Variants in FAR2 observed in about 807,000 individuals in gnomAD.
FAR2 encodes epididymis secretory protein Li 81.
FAR2 carries 19 observed loss-of-function variants against 56.0 expected under a neutral mutation model. The ratio of observed to expected loss-of-function variants is 0.34; its 90% CI spans 0.24 to 0.50. The LOEUF (loss-of-function observed/expected upper bound fraction) is 0.50, where lower values mean the gene tolerates loss of function less well. Ranked by LOEUF, FAR2 falls within the 20% of genes least tolerant of loss-of-function variation. The probability of loss-of-function intolerance (pLI) is 0.98; values close to 1 mark genes in which losing one functional copy is unlikely to be tolerated. For synonymous variants in FAR2, 219 were observed against 218.8 expected (o/e 1.00, Z -0.01); for missense variants, 508 against 642.2 (o/e 0.79, Z 2.26).
rs536923876 is a variant in FAR2 at position 29,324,873 on chromosome 12, T to C, written c.1257+2949T>C. ...GCAAAATAACCAGCTAACATCATGA[T>C]GACAGGCTCAAATTCACACATAACA... On this transcript the variant is annotated intron_variant, in intron 10 of 11. Coordinates refer to ENST00000536681, the MANE Select transcript of FAR2 (RefSeq NM_001271783.2). Among the ~76,000 whole-genome samples, 252 of 152,346 alleles carry C rather than the reference T, an allele frequency of 1.7e-3. 2 individuals are homozygous for C. The highest frequency in any genetic ancestry group is 2.6e-3 in the Non-Finnish European group (179 of 68,040).
At chr12:29,204,097 T>C (rs1447488324) in intron 1 of FAR2, among the ~76,000 whole-genome samples, 1 of 151,058 alleles carries the variant, frequency 6.6e-6, no homozygotes, top group Non-Finnish European at 1.5e-5. Context: ...GATTTTGTAA[T>C]CAATAACTTG....
intron 10 of FAR2, among the ~76,000 whole-genome samples, chr12:29,326,001 C>T (rs998000985): frequency 1.3e-5 from 2 of 151,950 alleles, no homozygotes; most frequent in Admixed American, 6.6e-5. Flanking sequence ...TGATAGACTG[C>T]TAGCAAGACT....
chr12:29,320,120 T>C (rs945202961), intron 9 of FAR2, among the ~76,000 whole-genome samples: 4 of 152,120 alleles, frequency 2.6e-5, no homozygotes, highest in Non-Finnish European at 4.4e-5. Flanking sequence ...AGGCAGAAGA[T>C]TGCTTGAACC....
intron 3 of FAR2, among the ~76,000 whole-genome samples, chr12:29,296,672 T>G (rs1459020501): frequency 6.6e-6 from 1 of 152,212 alleles, no homozygotes; most frequent in Admixed American, 6.5e-5. Context: ...ACTTCTTCAG[T>G]TAGATGCTTA....
intron 1 of FAR2, among the ~76,000 whole-genome samples, chr12:29,180,545 G>A (rs1205999286): frequency 6.6e-6 from 1 of 152,102 alleles, no homozygotes; most frequent in Non-Finnish European, 1.5e-5. Flanking sequence ...AAACTAGTTA[G>A]AAAGATATGA....
chr12:29,180,141 CT>C (rs1265457195), intron 1 of FAR2, among the ~76,000 whole-genome samples: 1 of 152,134 alleles, frequency 6.6e-6, no homozygotes, highest in Non-Finnish European at 1.5e-5. Flanking sequence ...CTCACTCACT[CT>C]TACCAGCAGA....
chr12:29,311,665 T>C (rs970137884), intron 7 of FAR2, among the ~76,000 whole-genome samples: 33 of 69,762 alleles, frequency 4.7e-4, no homozygotes, highest in African/African-American at 2.3e-3. Context: ...TAACATCTCT[T>C]TCACACACAC....
chr12:29,332,841 A>T, intron 11 of FAR2, 114 bp downstream of exon 11: 1 of 999,266 alleles, frequency 1.0e-6, no homozygotes, highest in Non-Finnish European at 1.5e-6. Context: ...TTACTACATT[A>T]CAGGTCCTGC....
At chr12:29,264,672 A>AG (rs755908238) in intron 1 of FAR2, among the ~76,000 whole-genome samples, 3 of 67,624 alleles carry the variant, frequency 4.4e-5, no homozygotes, top group Admixed American at 1.2e-4. Flanking sequence ...AGAGAGAGAG[A>AG]GAGGAGGAGA....
At chr12:29,227,277 T>C (rs1207401508) in intron 1 of FAR2, among the ~76,000 whole-genome samples, 2 of 152,216 alleles carry the variant, frequency 1.3e-5, no homozygotes, top group Non-Finnish European at 2.9e-5. Flanking sequence ...AAAGAAGTTA[T>C]TAGAACATTG....
At chr12:29,325,961 G>A (rs1175909116) in intron 10 of FAR2, among the ~76,000 whole-genome samples, 2 of 152,114 alleles carry the variant, frequency 1.3e-5, no homozygotes, top group African/African-American at 4.8e-5. Flanking sequence ...GTGAATCCAG[G>A]AGCTGGTTTT....
intron 2 of FAR2, among the ~76,000 whole-genome samples, chr12:29,280,137 C>T (rs974334987): frequency 1.3e-5 from 2 of 152,128 alleles, no homozygotes; most frequent in African/African-American, 2.4e-5. Context: ...GTTGGCCAGG[C>T]TTGTCTCAAA....
intron 1 of FAR2, among the ~76,000 whole-genome samples, chr12:29,162,319 A>G (rs574272888): frequency 2.6e-5 from 4 of 152,344 alleles, no homozygotes; most frequent in African/African-American, 9.6e-5. Context: ...CTCTACATTA[A>G]TCATTAGAAT....
intron 1 of FAR2, among the ~76,000 whole-genome samples, chr12:29,230,526 G>T (rs1947841411): frequency 6.6e-6 from 1 of 152,074 alleles, no homozygotes; most frequent in South Asian, 2.1e-4. Context: ...GAGAGTTTTA[G>T]CAAAGAAGTG....
intron 1 of FAR2, among the ~76,000 whole-genome samples, chr12:29,225,100 G>C (rs893101619): frequency 1.3e-5 from 2 of 152,136 alleles, no homozygotes; most frequent in Non-Finnish European, 2.9e-5. Context: ...GCCAGGTGTG[G>C]TGGTGCACTC....
intron 1 of FAR2, among the ~76,000 whole-genome samples, chr12:29,172,553 C>A (rs1269484444): frequency 3.9e-5 from 6 of 152,100 alleles, no homozygotes; most frequent in Non-Finnish European, 8.8e-5. Context: ...TCGGCCTGTT[C>A]CCCTGGTCCC....
chr12:29,268,531 A>G (rs1402724721), intron 1 of FAR2, among the ~76,000 whole-genome samples: 1 of 152,188 alleles, frequency 6.6e-6, no homozygotes, highest in Non-Finnish European at 1.5e-5. Flanking sequence ...TTGCAGCCCA[A>G]GCTATTTCAG....
Position 29,263,337 on chromosome 12 carries a change from A to G in FAR2, c.-38-7075A>G, listed in dbSNP as rs138486778. On this transcript the variant is annotated intron_variant, in intron 1 of 11. Transcript: ENST00000536681. ...TTACAGAACACTTCATCCAACAGCT[A>G]CAGAATACACATTCTTCTCCTCAGA... Among the ~76,000 whole-genome samples the G allele has an allele frequency of 2.2e-3, 331 of 152,340 alleles. 3 individuals are homozygous for G. Among genetic ancestry groups the G allele is most frequent in the African/African-American group, 6.6e-3 (276 of 41,584 alleles).
intron 1 of FAR2, among the ~76,000 whole-genome samples, chr12:29,174,038 G>A (rs913875822): frequency 6.6e-6 from 1 of 152,162 alleles, no homozygotes; most frequent in East Asian, 1.9e-4. Flanking sequence ...TTAGTATTGG[G>A]ACTTTACCCC....
Sources: allele counts gnomAD v4.1 joint callset (sites outside exome capture counted in the v4.1 genomes callset), GRCh38; gene constraint gnomAD v4.1.1; transcripts MANE v1.5; gene names NCBI Gene and HGNC (gene_info 2026-07-23, HGNC 2026-07-21).